The following MYO3B variants were observed in gnomAD, a reference collection of about 807,000 sequenced individuals.
The protein encoded by MYO3B is myosin-IIIb.
MYO3B carries 156 observed loss-of-function variants against 174.6 expected under a neutral mutation model. The observed-to-expected ratio is 0.89, with a 90% CI of 0.78 to 1.02. The LOEUF (loss-of-function observed/expected upper bound fraction) is 1.02, where lower values mean the gene tolerates loss of function less well. MYO3B is among the 50% of genes least tolerant of loss of function. The probability of loss-of-function intolerance (pLI) is 0.00; values close to 1 mark genes in which losing one functional copy is unlikely to be tolerated. For synonymous variants in MYO3B, 563 were observed against 569.1 expected, an observed-to-expected ratio of 0.99 and a Z score of 0.15; for missense variants, 1,632 against 1,639.4, an observed-to-expected ratio of 1.00 and a Z score of 0.08.
At chr2:170,409,962 C>A (rs2094534931) in intron 22 of MYO3B, among the ~76,000 whole-genome samples, 1 of 152,204 alleles carries the variant, frequency 6.6e-6, no homozygotes, top group Admixed American at 6.5e-5. Flanking sequence ...GGAAACCTCA[C>A]TGGACAGAAA....
intron 22 of MYO3B, among the ~76,000 whole-genome samples, chr2:170,427,017 CA>C (rs71399535): frequency 1.9e-4 from 26 of 139,252 alleles, no homozygotes; most frequent in Middle Eastern, 3.7e-3. Flanking sequence ...GACTCAGTCT[CA>C]AAAAAAAAAA....
rs934930464 is a variant in MYO3B, at chr2:170,542,807, G to A, written c.3576-99G>A. 1.4e-5 allele frequency: 13 copies of A among 913,872 alleles called. No individual in the cohort carries two copies. The African/African-American group carries it at 2.2e-4, about 15-fold the overall frequency. 56.6% of individuals were successfully genotyped at this position (913,872 alleles called of 1,614,324 possible). A position where few individuals can be genotyped will look rare whatever the true frequency, so the allele number is the denominator to read the frequency against. ...ATGGGAAACCATGGAAGCATAAAAA[G>A]TATGTTTTGATATATCTTTGAAGAA... On this transcript the variant is annotated intron_variant, in intron 30 of 34. Coordinates refer to ENST00000408978, the MANE Select transcript of MYO3B (RefSeq NM_138995.5).
At chr2:170,364,168 T>C (rs1401460754) in intron 8 of MYO3B, among the ~76,000 whole-genome samples, 1 of 152,198 alleles carries the variant, frequency 6.6e-6, no homozygotes, top group African/African-American at 2.4e-5. Flanking sequence ...TCTAAAATCA[T>C]GCGACTAATT....
intron 23 of MYO3B, among the ~76,000 whole-genome samples, chr2:170,450,512 G>A (rs182280759): frequency 1.0e-3 from 154 of 151,610 alleles, no homozygotes; most frequent in African/African-American, 3.6e-3. Flanking sequence ...TAGACAACAA[G>A]ATCCTATGAA....
intron 1 of MYO3B, among the ~76,000 whole-genome samples, chr2:170,181,955 G>A (rs1372841441): frequency 2.0e-5 from 3 of 152,060 alleles, no homozygotes; most frequent in Non-Finnish European, 4.4e-5. Flanking sequence ...TCATTAGTTT[G>A]ATTTGCCGTT....
At chr2:170,353,433 C>T (rs548375427) in intron 8 of MYO3B, among the ~76,000 whole-genome samples, 9 of 152,282 alleles carry the variant, frequency 5.9e-5, no homozygotes, top group African/African-American at 1.9e-4. Context: ...ACAGGTGGAA[C>T]CCACAGGATT....
At chr2:170,343,667 A>G (rs144011280) in intron 8 of MYO3B, 1 of 152,422 alleles carries the variant, frequency 6.6e-6, no homozygotes, top group African/African-American at 2.4e-5. Flanking sequence ...CTACAGAGAG[A>G]GAAGAGTTAA....
At chr2:170,193,668 A>G (rs1012729443) in intron 1 of MYO3B, among the ~76,000 whole-genome samples, 1 of 152,068 alleles carries the variant, frequency 6.6e-6, no homozygotes, top group Non-Finnish European at 1.5e-5. Flanking sequence ...TCAAAGACTT[A>G]TAGTCTATTT....
At chr2:170,386,513 T>C (rs1331329967) in intron 13 of MYO3B, among the ~76,000 whole-genome samples, 1 of 152,192 alleles carries the variant, frequency 6.6e-6, no homozygotes, top group Non-Finnish European at 1.5e-5. Flanking sequence ...TTAATTTTCA[T>C]GTTTTCAATG....
chr2:170,246,348 G>T (rs945407744), intron 7 of MYO3B, among the ~76,000 whole-genome samples: 1 of 152,210 alleles, frequency 6.6e-6, no homozygotes, highest in Non-Finnish European at 1.5e-5. Flanking sequence ...GAAGTTATGG[G>T]TTGAACTGTG....
intron 6 of MYO3B, among the ~76,000 whole-genome samples, chr2:170,232,028 A>C (rs2093020952): frequency 6.6e-6 from 1 of 152,146 alleles, no homozygotes; most frequent in African/African-American, 2.4e-5. Context: ...CACTCCTTTA[A>C]TGTGACTTAC....
chr2:170,358,137 A>T (rs1001539872), intron 8 of MYO3B, among the ~76,000 whole-genome samples: 2 of 150,622 alleles, frequency 1.3e-5, no homozygotes, highest in Non-Finnish European at 3.0e-5. Context: ...GGGCAACGAG[A>T]GTGAAACTCC....
At chr2:170,294,259 A>G (rs1471586410) in intron 7 of MYO3B, among the ~76,000 whole-genome samples, 3 of 151,730 alleles carry the variant, frequency 2.0e-5, no homozygotes, top group Admixed American at 2.0e-4. Flanking sequence ...CTGTTTCTCT[A>G]CCACCAATCT....
intron 32 of MYO3B, among the ~76,000 whole-genome samples, chr2:170,569,397 A>G (rs1692280477): frequency 6.6e-6 from 1 of 152,142 alleles, no homozygotes; most frequent in Non-Finnish European, 1.5e-5. Flanking sequence ...AGCCTCTAAA[A>G]GCTGTTCTTC....
At chr2:170,503,665 A>G (rs965025435) in intron 28 of MYO3B, among the ~76,000 whole-genome samples, 53 of 137,890 alleles carry the variant, frequency 3.8e-4, no homozygotes, top group African/African-American at 1.4e-3. Context: ...TTTTTTTTTT[A>G]GCCTTGCAAG....
intron 23 of MYO3B, among the ~76,000 whole-genome samples, chr2:170,454,705 C>A (rs1683810129): frequency 6.6e-6 from 1 of 152,224 alleles, no homozygotes; most frequent in South Asian, 2.1e-4. Context: ...ACGGGCTCAC[C>A]TTGCCCACTG....
chr2:170,200,278 C>T lies in MYO3B; in HGVS notation c.315C>T (p.Val105=). Residue 105 remains valine (V), a synonymous_variant, in exon 3 of 35, where the codon GTC becomes GTT. Coordinates refer to ENST00000408978, the MANE Select transcript of MYO3B (RefSeq NM_138995.5). ...GTGTAGGGGGACAGCTGTGGCTGGT[C>T]CTGGAGGTAAGAGGCTCCCATTGGG... ...DHCVGGQLWL[V]LELCNGGSVT... is the part of the protein sequence containing the mutation. 6.2e-7 allele frequency: 1 copy of T among 1,610,082 alleles called. No homozygotes were observed. Among genetic ancestry groups the T allele is most frequent in the Non-Finnish European group, 8.5e-7 (1 of 1,178,312 alleles).
At chr2:170,464,909 C>T (rs1389442032) in intron 24 of MYO3B, among the ~76,000 whole-genome samples, 1 of 151,978 alleles carries the variant, frequency 6.6e-6, no homozygotes, top group African/African-American at 2.4e-5. Flanking sequence ...CTCTGTCACC[C>T]AGGCTGGAGT....
chr2:170,534,082 C>G (rs1350497322), intron 30 of MYO3B, among the ~76,000 whole-genome samples: 3 of 152,094 alleles, frequency 2.0e-5, no homozygotes, highest in African/African-American at 7.2e-5. Context: ...TGTTTTATTC[C>G]CTTTTGCTTC....
Sources: allele counts gnomAD v4.1 joint callset (sites outside exome capture counted in the v4.1 genomes callset), GRCh38; gene constraint gnomAD v4.1.1; transcripts MANE v1.5; gene names NCBI Gene and HGNC (gene_info 2026-07-23, HGNC 2026-07-21).